LRRC9: variants seen among roughly 807,000 people sequenced by gnomAD.
The protein encoded by LRRC9 is leucine rich repeat containing 9, also known as leucine-rich repeat-containing protein 9.
A neutral mutation model predicts 63.2 loss-of-function variants in LRRC9; 122 were observed. The observed-to-expected ratio is 1.93, with a 90% CI of 1.67 to 2.24. LRRC9 has a LOEUF of 2.24. Ranked by LOEUF, LRRC9 falls within the 30% of genes most tolerant of loss-of-function variation. The pLI is 0.00. For missense variants in LRRC9, 1,071 were observed against 627.7 expected, an observed-to-expected ratio of 1.71 and a Z score of -7.55; for synonymous variants, 366 against 213.1, an observed-to-expected ratio of 1.72 and a Z score of -6.25.
At chr14:59,976,944 C>T (rs140979322) in intron 13 of LRRC9, among the ~76,000 whole-genome samples, 4 of 152,246 alleles carry the variant, frequency 2.6e-5, no homozygotes, top group South Asian at 2.1e-4. Flanking sequence ...AAAACCTTGC[C>T]GAATTAATGT....
chr14:60,023,319 A>T (rs1479206838), intron 27 of LRRC9, among the ~76,000 whole-genome samples: 3 of 152,022 alleles, frequency 2.0e-5, no homozygotes, highest in African/African-American at 7.2e-5. Flanking sequence ...TACTAACTTA[A>T]GTGCAATAGA....
chr14:59,946,255 T>A (rs901261732), intron 8 of LRRC9, among the ~76,000 whole-genome samples: 3 of 151,048 alleles, frequency 2.0e-5, no homozygotes, highest in Admixed American at 6.6e-5. Context: ...CAGTTCTTAT[T>A]ATAATTAGAA....
At chr14:60,015,235 C>T (rs1699411866) in intron 23 of LRRC9, among the ~76,000 whole-genome samples, 2 of 137,332 alleles carry the variant, frequency 1.5e-5, no homozygotes, top group Non-Finnish European at 3.2e-5. Context: ...GAGCATTTTT[C>T]CTTTGACTGC....
At chr14:59,952,247 G>T (rs548654588) in intron 8 of LRRC9, among the ~76,000 whole-genome samples, 4 of 152,108 alleles carry the variant, frequency 2.6e-5, no homozygotes, top group Non-Finnish European at 5.9e-5. Context: ...TATTCGGGTG[G>T]GAGTGACCCG....
At chr14:59,991,536 G>A (rs1466684507) in intron 17 of LRRC9, among the ~76,000 whole-genome samples, 1 of 152,166 alleles carries the variant, frequency 6.6e-6, no homozygotes, top group Admixed American at 6.5e-5. Context: ...CACCCAGGAA[G>A]TGCAAGGGGT....
rs73308129 is a variant in LRRC9 at position 60,051,640 on chromosome 14, C to A, written c.3991-1425C>A. Among the ~76,000 whole-genome samples the A allele has an allele frequency of 2.6e-5, 4 of 152,130 alleles. No individual in the cohort carries two copies. Among genetic ancestry groups the A allele is most frequent in the Non-Finnish European group, 4.4e-5 (3 of 68,030 alleles). On this transcript the variant is annotated intron_variant, in intron 29 of 31. Coordinates refer to ENST00000445360, the Ensembl canonical transcript of LRRC9. The surrounding 1 kb of genome is among the most constrained non-coding windows in gnomAD (Gnocchi z 4.7). ...TGCCATGAAACTGAGGCCTGCAGACCGACACTGCTTGGCTCCCTGGATTCA... is the reference window on the plus strand; with the variant it reads ...TGCCATGAAACTGAGGCCTGCAGACAGACACTGCTTGGCTCCCTGGATTCA...
intron 17 of LRRC9, among the ~76,000 whole-genome samples, chr14:59,991,437 TTCA>T (rs1219478197): frequency 6.6e-6 from 1 of 151,958 alleles, no homozygotes; most frequent in African/African-American, 2.4e-5. Flanking sequence ...AGGTACTGGG[TTCA>T]TCTCACTGGG....
rs1044911584 is a variant in LRRC9, at chr14:59,981,932, A to G, written c.1963A>G (p.Lys655Glu). ...AAACCCAGAAGTATCAGTATTTTCCAAGGATTTGAAATTTGATGATGAAGT... is the reference window on the plus strand; with the variant it reads ...AAACCCAGAAGTATCAGTATTTTCCGAGGATTTGAAATTTGATGATGAAGT... The change falls in exon 16 of 32, where the codon AAG becomes GAG. Residue 655 changes from lysine (K) to glutamate (E), a missense_variant. Lys to Glu is a moderately conservative substitution (Grantham distance 56). Coordinates refer to ENST00000445360, the Ensembl canonical transcript of LRRC9. 3 of 702,506 alleles carry G rather than the reference A, an allele frequency of 4.3e-6. No homozygotes were observed. In the African/African-American group the frequency reaches 5.2e-5, roughly 12 times the overall value. 43.5% of individuals were successfully genotyped at this position (702,506 alleles called of 1,614,324 possible). A position where few individuals can be genotyped will look rare whatever the true frequency, so the allele number is the denominator to read the frequency against.
intron 29 of LRRC9, 75 bp downstream of exon 29, chr14:60,032,138 G>C (rs1892039599): frequency 3.1e-6 from 2 of 643,384 alleles, no homozygotes; most frequent in East Asian, 5.5e-5. Flanking sequence ...TATGGTATTA[G>C]AAAGGGATTT....
chr14:59,934,240 AT>A (rs1190892059), intron 6 of LRRC9, among the ~76,000 whole-genome samples: 3 of 152,220 alleles, frequency 2.0e-5, no homozygotes, highest in Non-Finnish European at 4.4e-5. Flanking sequence ...AGCTAGTAGA[AT>A]GTGAAGAGCT....
chr14:59,933,218 A>G (rs1374846631), intron 6 of LRRC9, among the ~76,000 whole-genome samples: 1 of 152,058 alleles, frequency 6.6e-6, no homozygotes, highest in Non-Finnish European at 1.5e-5. Context: ...CAACCTCCCC[A>G]ACCTGCAGCA....
At chr14:60,043,750 CTTTT>C (rs1254897568) in intron 29 of LRRC9, among the ~76,000 whole-genome samples, 20 of 66,146 alleles carry the variant, frequency 3.0e-4, no homozygotes, top group African/African-American at 1.3e-3. Flanking sequence ...CTGTAGTTTT[CTTTT>C]CCTTTTTTTT....
rs748881029 is a variant in LRRC9 at position 60,058,893 on chromosome 14, T to G, written c.4276+871T>G. Among the ~76,000 whole-genome samples the G allele has an allele frequency of 1.3e-5, 2 of 152,226 alleles. No individual in the cohort carries two copies. Among genetic ancestry groups the G allele is most frequent in the Non-Finnish European group, 2.9e-5 (2 of 68,022 alleles). On this transcript the variant is annotated intron_variant, in intron 31 of 31. Transcript: ENST00000445360. This position sits in a 1 kb window ranked among gnomAD's most constrained non-coding sequence, Gnocchi z 4.4. ...CATTAAGATGTTATATTTTCTCATT[T>G]TTCATACTTATATGGCATTATGACT...
chr14:59,981,207 C>T (rs1886893974), intron 15 of LRRC9, among the ~76,000 whole-genome samples: 1 of 152,034 alleles, frequency 6.6e-6, no homozygotes, highest in African/African-American at 2.4e-5. Flanking sequence ...AGGGTATTTA[C>T]TAAATTTTTA....
intron 1 of LRRC9, among the ~76,000 whole-genome samples, chr14:59,926,222 T>C (rs1298786790): frequency 6.6e-6 from 1 of 152,240 alleles, no homozygotes; most frequent in Non-Finnish European, 1.5e-5. Context: ...GTGTCATATT[T>C]AAAGACTTCT....
At position 60,027,851 on chromosome 14, in the gene LRRC9, T is replaced by G; in HGVS notation, c.3704-33T>G. On this transcript the variant is annotated intron_variant, in intron 27 of 31. Coordinates refer to ENST00000445360, the Ensembl canonical transcript of LRRC9. The surrounding 1 kb of genome is among the most constrained non-coding windows in gnomAD (Gnocchi z 4.0). ...ATCCTTTACTTCAGGAAGTTTGGGC[T>G]CACTTGATATATCATGACTTATCTC... 1.6e-6 allele frequency: 1 copy of G among 632,650 alleles called. No individual in the cohort carries two copies. The highest frequency in any genetic ancestry group is 2.8e-5 in the East Asian group (1 of 36,010). 39.2% of individuals were successfully genotyped at this position (632,650 alleles called of 1,614,324 possible).
chr14:59,953,759 G>T (rs1883422397), intron 8 of LRRC9, among the ~76,000 whole-genome samples: 1 of 152,146 alleles, frequency 6.6e-6, no homozygotes, highest in Non-Finnish European at 1.5e-5. Context: ...GCATGGTATT[G>T]CCTAGGTTTT....
At chr14:59,940,524 C>T (rs1439427039) in intron 7 of LRRC9, among the ~76,000 whole-genome samples, 1 of 151,990 alleles carries the variant, frequency 6.6e-6, no homozygotes, top group African/African-American at 2.4e-5. Flanking sequence ...TAGTGCAAGA[C>T]AGAGGGAAGA....
In LRRC9 at chr14:59,944,578, C is replaced by T. The variant is rs188572301; in HGVS notation, c.727-11C>T. Reference sequence around the variant, plus strand: ...TAGCTAATTTTTTGTTGTTTTCTTTCTTACTTTTAGACCACAGCAATGAAA... The same window carrying T: ...TAGCTAATTTTTTGTTGTTTTCTTTTTTACTTTTAGACCACAGCAATGAAA... On this transcript the variant is annotated splice_polypyrimidine_tract_variant and intron_variant, in intron 7 of 31. Transcript: ENST00000445360. The T allele has an allele frequency of 1.6e-3, 890 of 542,258 alleles. 2 individuals carry two copies. The highest frequency in any genetic ancestry group is 2.7e-3 in the Middle Eastern group (7 of 2,626). 33.6% of individuals were successfully genotyped at this position (542,258 alleles called of 1,614,324 possible).
Sources: gnomAD v4.1 joint callset for allele counts (sites outside exome capture counted in the v4.1 genomes callset) on GRCh38, gnomAD v4.1.1 for gene constraint, Gnocchi (gnomAD v3.1) non-coding constraint, MANE v1.5 for transcripts, NCBI Gene and HGNC (gene_info 2026-07-23, HGNC 2026-07-21) for gene names.